The following ARB2A variants were observed in gnomAD, a reference collection of about 807,000 sequenced individuals.
ARB2A encodes cotranscriptional regulator ARB2A.
chr5:93,995,108 AAGTAC>A, the ARB2A span, among the ~76,000 whole-genome samples: 1 of 152,196 alleles, frequency 6.6e-6, no homozygotes, highest in East Asian at 1.9e-4. Flanking sequence ...ACAAATGTAA[AAGTAC>A]AGTATTAAAT....
At chr5:93,966,387 C>A in the ARB2A span, among the ~76,000 whole-genome samples, 2 of 152,022 alleles carry the variant, frequency 1.3e-5, no homozygotes, top group Non-Finnish European at 2.9e-5. Context: ...AACTAGAAGT[C>A]AACAGCTCTT....
chr5:93,939,908 C>T, the ARB2A span, among the ~76,000 whole-genome samples: 6 of 151,780 alleles, frequency 4.0e-5, no homozygotes, highest in African/African-American at 1.2e-4. Flanking sequence ...TGGATTAAAC[C>T]TTATGATCTT....
the ARB2A span, among the ~76,000 whole-genome samples, chr5:93,773,778 G>A: frequency 1.3e-5 from 2 of 152,100 alleles, no homozygotes; most frequent in Admixed American, 6.6e-5. Context: ...TCTGTGATTA[G>A]AGATGGGGTC....
the ARB2A span, among the ~76,000 whole-genome samples, chr5:93,748,772 A>G: frequency 6.6e-6 from 1 of 152,142 alleles, no homozygotes; most frequent in African/African-American, 2.4e-5. Flanking sequence ...AAAAAATAAT[A>G]AAACTAATTT....
At chr5:93,631,039 T>G in the ARB2A span, among the ~76,000 whole-genome samples, 1 of 152,032 alleles carries the variant, frequency 6.6e-6, no homozygotes, top group Non-Finnish European at 1.5e-5. Context: ...ACTACAGGCG[T>G]GCACCTGGCT....
the ARB2A span, among the ~76,000 whole-genome samples, chr5:93,954,233 G>A: frequency 1.3e-5 from 2 of 151,990 alleles, no homozygotes; most frequent in African/African-American, 2.4e-5. Context: ...GAATGTACTG[G>A]CTCTCACCTG....
chr5:94,040,293 T>C, the ARB2A span, among the ~76,000 whole-genome samples: 2 of 152,004 alleles, frequency 1.3e-5, no homozygotes. Context: ...AAGGGGAAAC[T>C]TGAGAGCTAA....
chr5:93,884,116 T>C, the ARB2A span, among the ~76,000 whole-genome samples: 1 of 151,602 alleles, frequency 6.6e-6, no homozygotes, highest in Non-Finnish European at 1.5e-5. Flanking sequence ...AGTGGGACTT[T>C]AATAAGCTGA....
chr5:93,773,706 G>A, the ARB2A span, among the ~76,000 whole-genome samples: 1 of 152,122 alleles, frequency 6.6e-6, no homozygotes, highest in African/African-American at 2.4e-5. Flanking sequence ...CCAACAGCAT[G>A]TGCTCACTTT....
the ARB2A span, among the ~76,000 whole-genome samples, chr5:93,838,337 T>C: frequency 6.6e-6 from 1 of 152,172 alleles, no homozygotes; most frequent in Non-Finnish European, 1.5e-5. Flanking sequence ...CTGGGCTCTC[T>C]ATTCTATTCC....
the ARB2A span, among the ~76,000 whole-genome samples, chr5:93,822,267 C>T: frequency 6.6e-6 from 1 of 152,154 alleles, no homozygotes; most frequent in Non-Finnish European, 1.5e-5. Context: ...TCTGAAACAT[C>T]TGTGTGCTTT....
At chr5:93,771,741 G>C in the ARB2A span, among the ~76,000 whole-genome samples, 96 of 152,280 alleles carry the variant, frequency 6.3e-4, no homozygotes, top group South Asian at 2.9e-3. Flanking sequence ...AAATGCAAAT[G>C]AAAACCACAA....
chr5:94,053,464 A>G, the ARB2A span, among the ~76,000 whole-genome samples: 95 of 152,276 alleles, frequency 6.2e-4, 3 homozygotes, highest in South Asian at 0.019. Context: ...TCTATACACC[A>G]TTATATTTAA....
At chr5:93,832,527 AGTTAT>A in the ARB2A span, among the ~76,000 whole-genome samples, 14 of 152,300 alleles carry the variant, frequency 9.2e-5, no homozygotes, top group African/African-American at 3.4e-4. Flanking sequence ...GAATCCCTTC[AGTTAT>A]AAGTCATTCA....
chr5:93,881,712 G>C, the ARB2A span: 1 of 1,425,716 alleles, frequency 7.0e-7, no homozygotes, highest in Admixed American at 2.5e-5. Context: ...AAAGAAGGTA[G>C]CATAATTTAA....
chr5:93,932,952 C>CAAGA, the ARB2A span, among the ~76,000 whole-genome samples: 2 of 151,970 alleles, frequency 1.3e-5, no homozygotes, highest in African/African-American at 2.4e-5. Flanking sequence ...AACAAATTTA[C>CAAGA]AAGAAAAAAA....
the ARB2A span, among the ~76,000 whole-genome samples, chr5:94,040,818 T>C: frequency 1.3e-5 from 2 of 152,178 alleles, no homozygotes; most frequent in Non-Finnish European, 2.9e-5. Flanking sequence ...AGATTAATGA[T>C]GACAGGGCCC....
chr5:93,778,862 C>T, the ARB2A span, among the ~76,000 whole-genome samples: 2 of 152,094 alleles, frequency 1.3e-5, no homozygotes, highest in African/African-American at 4.8e-5. Context: ...AACTTTTGTC[C>T]AGTTTGCTCA....
At chr5:93,629,050 T>A in the ARB2A span, among the ~76,000 whole-genome samples, 3 of 152,226 alleles carry the variant, frequency 2.0e-5, no homozygotes, top group Admixed American at 6.5e-5. Flanking sequence ...TTTTGATCTT[T>A]AGATGGAAAG....
Sources: allele counts gnomAD v4.1 joint callset (sites outside exome capture counted in the v4.1 genomes callset), GRCh38; gene constraint gnomAD v4.1.1; transcripts MANE v1.5; gene names NCBI Gene and HGNC (gene_info 2026-07-23, HGNC 2026-07-21).